The following DCDC1 variants were observed in gnomAD, a reference collection of about 807,000 sequenced individuals.
The protein encoded by DCDC1 is doublecortin domain-containing protein 1.
Under a neutral mutation model 178.3 loss-of-function variants are expected in DCDC1, and 200 were observed. The ratio of observed to expected loss-of-function variants is 1.12; its 90% CI spans 1.00 to 1.26. The LOEUF is 1.26. Among genes scored for constraint, DCDC1 ranks in the 50% most tolerant of loss-of-function variants. DCDC1 has a pLI of 0.00. For missense variants in DCDC1, 1,983 were observed against 1,749.2 expected, an observed-to-expected ratio of 1.13 and a Z score of -2.38; for synonymous variants, 690 against 604.8, an observed-to-expected ratio of 1.14 and a Z score of -2.07.
chr11:31,304,112 G>A (rs1260658654), intron 6 of DCDC1, among the ~76,000 whole-genome samples: 1 of 152,146 alleles, frequency 6.6e-6, no homozygotes. Context: ...AAAAGTAGGA[G>A]GAAATTAGTT....
chr11:30,991,159 T>C (rs1311485351), intron 20 of DCDC1, among the ~76,000 whole-genome samples: 3 of 152,108 alleles, frequency 2.0e-5, no homozygotes, highest in African/African-American at 7.2e-5. Flanking sequence ...TGTTCAGCTG[T>C]AATGAGAACC....
intron 36 of DCDC1, among the ~76,000 whole-genome samples, chr11:30,891,954 G>T (rs1483419489): frequency 6.6e-6 from 1 of 152,040 alleles, no homozygotes; most frequent in Non-Finnish European, 1.5e-5. Flanking sequence ...CAGCCTCCAT[G>T]AACTTCTCCA....
chr11:31,148,487 G>C (rs932893210), intron 9 of DCDC1, among the ~76,000 whole-genome samples: 16 of 151,854 alleles, frequency 1.1e-4, no homozygotes, highest in Non-Finnish European at 2.4e-4. Flanking sequence ...CTGGACAACA[G>C]AGCAAGAAAC....
chr11:31,074,889 C>T (rs1436011385), intron 18 of DCDC1, among the ~76,000 whole-genome samples: 2 of 152,048 alleles, frequency 1.3e-5, no homozygotes, highest in African/African-American at 4.8e-5. Context: ...TAGACAGAGC[C>T]TAAATTTTTT....
At chr11:31,099,649 G>C (rs1013733642) in intron 15 of DCDC1, among the ~76,000 whole-genome samples, 2 of 147,602 alleles carry the variant, frequency 1.4e-5, no homozygotes, top group South Asian at 2.1e-4. Context: ...GGTACAGAAG[G>C]GTTTCATGAA....
chr11:31,023,982 T>C lies in DCDC1; in HGVS notation c.2591+40487A>G, dbSNP rs1054645187. Among the ~76,000 whole-genome samples the C allele has an allele frequency of 2.6e-5, 4 of 151,974 alleles. No homozygotes were observed. In the South Asian group the frequency reaches 8.3e-4, roughly 31 times the overall value. ...AATTGTACCTAAAACAATAGGACAA[T>C]ATATAGCAAGAATTATAAAGATGAT... On this transcript the variant is annotated intron_variant, in intron 20 of 38. Transcript: ENST00000684477.
intron 36 of DCDC1, chr11:30,883,526 A>T (rs1215433244): frequency 2.3e-6 from 1 of 444,206 alleles, no homozygotes. Context: ...GACCTAGGAT[A>T]AGGCAAAGTT....
At chr11:30,959,716 G>A (rs1290711927) in intron 20 of DCDC1, among the ~76,000 whole-genome samples, 6 of 152,122 alleles carry the variant, frequency 3.9e-5, no homozygotes, top group Non-Finnish European at 5.9e-5. Flanking sequence ...AAGTGAGGGG[G>A]ACTCAATGCC....
intron 21 of DCDC1, among the ~76,000 whole-genome samples, chr11:30,942,900 T>G (rs1191498693): frequency 1.3e-5 from 2 of 152,230 alleles, no homozygotes; most frequent in Non-Finnish European, 2.9e-5. Context: ...CTGTCGGTTC[T>G]TCCTTTAAGC....
At chr11:31,228,157 A>T (rs1975257919) in intron 9 of DCDC1, among the ~76,000 whole-genome samples, 1 of 152,104 alleles carries the variant, frequency 6.6e-6, no homozygotes, top group South Asian at 2.1e-4. Context: ...ATGGAACATT[A>T]ATTTGGATAT....
chr11:31,270,281 G>C (rs1945461869), intron 7 of DCDC1, among the ~76,000 whole-genome samples: 1 of 152,182 alleles, frequency 6.6e-6, no homozygotes, highest in African/African-American at 2.4e-5. Flanking sequence ...TCAAATTTAA[G>C]TACTGTACAT....
chr11:31,343,905 G>A (rs1032155248), intron 1 of DCDC1, among the ~76,000 whole-genome samples: 3 of 148,554 alleles, frequency 2.0e-5, no homozygotes, highest in African/African-American at 5.0e-5. Context: ...GGGCAACAGA[G>A]TGAGACTCCA....
intron 21 of DCDC1, among the ~76,000 whole-genome samples, chr11:30,949,720 C>A (rs1214617004): frequency 6.6e-6 from 1 of 151,952 alleles, no homozygotes; most frequent in African/African-American, 2.4e-5. Flanking sequence ...ATGGATGAAG[C>A]TGGAAACCAT....
At chr11:30,998,509 AGAAT>A (rs1293344617) in intron 20 of DCDC1, among the ~76,000 whole-genome samples, 1 of 148,976 alleles carries the variant, frequency 6.7e-6, no homozygotes, top group Non-Finnish European at 1.5e-5. Flanking sequence ...TAAATGAGGA[AGAAT>A]GAAAGAATGG....
intron 18 of DCDC1, among the ~76,000 whole-genome samples, chr11:31,075,734 T>A (rs1956826961): frequency 6.6e-6 from 1 of 152,230 alleles, no homozygotes; most frequent in African/African-American, 2.4e-5. Flanking sequence ...TTTAATGGAG[T>A]TATCTGTTTT....
intron 6 of DCDC1, among the ~76,000 whole-genome samples, chr11:31,294,729 A>C (rs1326880237): frequency 2.4e-5 from 1 of 40,876 alleles, no homozygotes; most frequent in Non-Finnish European, 5.6e-5. Context: ...GAAGGAAGGG[A>C]GGGAGGGAGG....
intron 31 of DCDC1, 27 bp from the exon 32 acceptor site, chr11:30,903,710 G>A (rs1002777897): frequency 6.5e-7 from 1 of 1,543,492 alleles, no homozygotes; most frequent in Non-Finnish European, 8.8e-7. Flanking sequence ...GTAAGGATCT[G>A]ACAGGCAAAG....
chr11:31,077,723 T>C (rs1956950846), intron 18 of DCDC1, 142 bp downstream of exon 18: 1 of 452,626 alleles, frequency 2.2e-6, no homozygotes. Context: ...TGAGTTAAGT[T>C]AAATTCTAAA....
chr11:31,072,091 A>C (rs1048519729), intron 18 of DCDC1, among the ~76,000 whole-genome samples: 5 of 152,204 alleles, frequency 3.3e-5, no homozygotes, highest in African/African-American at 1.2e-4. Context: ...TGAGTGTGTT[A>C]GTTTTCTTTT....
Sources: gnomAD v4.1 joint callset for allele counts (sites outside exome capture counted in the v4.1 genomes callset) on GRCh38, gnomAD v4.1.1 for gene constraint, MANE v1.5 for transcripts, NCBI Gene and HGNC (gene_info 2026-07-23, HGNC 2026-07-21) for gene names.